The following UVRAG variants were observed in gnomAD, a reference collection of about 807,000 sequenced individuals.
UVRAG encodes the protein UV radiation resistance associated.
UVRAG carries 19 observed loss-of-function variants against 78.0 expected under a neutral mutation model. The observed-to-expected ratio is 0.24, with a 90% CI of 0.17 to 0.36. The LOEUF is 0.36. Among genes scored for constraint, UVRAG ranks in the 10% least tolerant of loss-of-function variants. The pLI, the probability that UVRAG is intolerant of heterozygous loss-of-function variation, is 1.00. For synonymous variants in UVRAG, 323 were observed against 324.6 expected (o/e 1.00, Z 0.05); for missense variants, 740 against 853.8 (o/e 0.87, Z 1.66).
rs542806642 is a variant in UVRAG, at chr11:75,905,673, G to A, written c.508-6281G>A. On this transcript the variant is annotated intron_variant, in intron 5 of 14. Transcript: ENST00000356136. ...TCTATTGCATGTGTACACACACAGA[G>A]ACACACACACACACATTTTGTTTAT... Among the ~76,000 whole-genome samples, 8 of 151,886 alleles carry A rather than the reference G, an allele frequency of 5.3e-5. No homozygotes were observed. In the South Asian group the frequency reaches 1.0e-3, roughly 20 times the overall value.
At chr11:76,040,923 G>A (rs1357694794) in intron 12 of UVRAG, among the ~76,000 whole-genome samples, 2 of 152,156 alleles carry the variant, frequency 1.3e-5, no homozygotes, top group Non-Finnish European at 2.9e-5. Context: ...AGCAGACAAG[G>A]AGGGTTTGGT....
intron 6 of UVRAG, among the ~76,000 whole-genome samples, chr11:75,952,792 T>C (rs973687089): frequency 1.3e-5 from 2 of 152,260 alleles, no homozygotes; most frequent in Admixed American, 6.5e-5. Flanking sequence ...CAGGGTCATG[T>C]TGACCTCATG....
rs113225143 is a variant in UVRAG at position 76,076,832 on chromosome 11, A to ATTTATTTATTTAT, written c.1305+11046_1305+11047insTATTTATTTATTT. ...TATTTATTTATTTATTTATTTATTT[A>ATTTATTTATTTAT]TTAGAGGCAGATGACAAGACCCCAT... On this transcript the variant is annotated intron_variant, in intron 13 of 14. Transcript: ENST00000356136. Among the ~76,000 whole-genome samples the ATTTATTTATTTAT allele has an allele frequency of 5.9e-3, 884 of 150,552 alleles. 12 individuals carry two copies. Among genetic ancestry groups the ATTTATTTATTTAT allele is most frequent in the African/African-American group, 0.021 (851 of 40,970 alleles).
intron 13 of UVRAG, among the ~76,000 whole-genome samples, chr11:76,066,079 T>C (rs527593870): frequency 6.6e-6 from 1 of 152,328 alleles, no homozygotes; most frequent in South Asian, 2.1e-4. Context: ...GGCTTCATCA[T>C]CTCTTGCCTC....
chr11:75,920,534 T>G (rs1003463848), intron 6 of UVRAG, among the ~76,000 whole-genome samples: 1 of 151,320 alleles, frequency 6.6e-6, no homozygotes, highest in Admixed American at 6.6e-5. Flanking sequence ...TAGGGTGAAG[T>G]CTTCTCCTTC....
At chr11:76,027,963 A>G (rs1950359975) in intron 12 of UVRAG, among the ~76,000 whole-genome samples, 1 of 151,920 alleles carries the variant, frequency 6.6e-6, no homozygotes, top group Non-Finnish European at 1.5e-5. Flanking sequence ...ATTTTTTTGC[A>G]TTTTACATTA....
intron 7 of UVRAG, among the ~76,000 whole-genome samples, chr11:75,967,236 T>C (rs1033919821): frequency 6.6e-6 from 1 of 152,254 alleles, no homozygotes; most frequent in Non-Finnish European, 1.5e-5. Context: ...TGCATACTTA[T>C]TCTTTTACAC....
intron 3 of UVRAG, among the ~76,000 whole-genome samples, chr11:75,873,022 T>C (rs1476948685): frequency 6.6e-6 from 1 of 152,144 alleles, no homozygotes; most frequent in East Asian, 1.9e-4. Context: ...GATGGTGATG[T>C]GTCATGCCAG....
At position 76,140,872 on chromosome 11, in the gene UVRAG, C is replaced by G; in HGVS notation, c.1559C>G (p.Pro520Arg). 1 of 1,614,178 alleles carries G rather than the reference C, an allele frequency of 6.2e-7. No individual in the cohort carries two copies. The highest frequency in any genetic ancestry group is 8.5e-7 in the Non-Finnish European group (1 of 1,180,032). ...ENERLQYKTPPPSYNSALAQP... is the reference protein window; with the variant it reads ...ENERLQYKTPRPSYNSALAQP... ...GAGAGACTTCAGTACAAAACCCCTC[C>G]TCCCAGTTACAACTCAGCATTAGCC... Residue 520 changes from proline (P) to arginine (R), a missense_variant, in exon 15 of 15, where the codon CCT becomes CGT. By Grantham distance (103) the Pro-to-Arg change is moderately radical. Coordinates refer to ENST00000356136, the MANE Select transcript of UVRAG (RefSeq NM_003369.4).
At chr11:75,911,371 G>T (rs1346233578) in intron 5 of UVRAG, 3 of 160,816 alleles carry the variant, frequency 1.9e-5, no homozygotes, top group Non-Finnish European at 4.2e-5. Flanking sequence ...TCCTGGGTGG[G>T]CACGTTTCCT....
chr11:76,109,148 C>T (rs1333713080), intron 13 of UVRAG, among the ~76,000 whole-genome samples: 1 of 152,128 alleles, frequency 6.6e-6, no homozygotes, highest in African/African-American at 2.4e-5. Context: ...TGGCATCTGC[C>T]TTCCCCAATC....
chr11:76,016,966 G>A lies in UVRAG; in HGVS notation c.1212G>A (p.Thr404=), dbSNP rs754172041. 33 of 1,599,200 alleles carry A rather than the reference G, an allele frequency of 2.1e-5. No homozygotes were observed. The highest frequency in any genetic ancestry group is 5.1e-5 in the Admixed American group (3 of 58,906). ...TIKDNINDKL[T]EKEREFPLYP... is the part of the protein sequence containing the mutation. ...AAGACAATATCAATGACAAACTGAC[G>A]GAAAAGGAGAGAGAGTAAGTGTCTT... The change falls in exon 12 of 15, where the codon ACG becomes ACA. Residue 404 remains threonine, a synonymous_variant. Transcript: ENST00000356136.
chr11:75,957,386 T>C (rs563413159), intron 6 of UVRAG, among the ~76,000 whole-genome samples: 1 of 152,216 alleles, frequency 6.6e-6, no homozygotes, highest in South Asian at 2.1e-4. Context: ...AGGATTATTA[T>C]GATACACTTT....
chr11:75,901,992 G>T (rs188037855), intron 5 of UVRAG, among the ~76,000 whole-genome samples: 3 of 152,038 alleles, frequency 2.0e-5, no homozygotes, highest in Non-Finnish European at 2.9e-5. Flanking sequence ...CTGATTGCCC[G>T]TTTGCTTACC....
chr11:76,103,878 C>T lies in UVRAG; in HGVS notation c.1306-12046C>T, dbSNP rs184322920. ...ATTTTAAAAGACTAAATATGTATAG[C>T]TTAGCTGAACAGTAACTAAACAGAG... On this transcript the variant is annotated intron_variant, in intron 13 of 14. Coordinates refer to ENST00000356136, the MANE Select transcript of UVRAG (RefSeq NM_003369.4). 2.6e-5 allele frequency among the ~76,000 whole-genome samples: 4 copies of T among 151,826 alleles called. No homozygotes were observed. In the East Asian group the frequency reaches 7.7e-4, roughly 29 times the overall value.
rs181304370 is a variant in UVRAG at position 75,950,411 on chromosome 11, A to G, written c.594-11033A>G. Among the ~76,000 whole-genome samples the G allele has an allele frequency of 2.2e-4, 34 of 152,262 alleles. 1 individual carries two copies. Among genetic ancestry groups the G allele is most frequent in the Admixed American group, 7.2e-4 (11 of 15,290 alleles). On this transcript the variant is annotated intron_variant, in intron 6 of 14. Transcript: ENST00000356136. ...TAGCTGGGAATGGGTGCGCACTACC[A>G]TGCTTGGCTAATTTAATTTTTTTAG...
At position 75,851,963 on chromosome 11, in the gene UVRAG, T is replaced by C. The variant is rs1449462249; in HGVS notation, c.198T>C (p.Phe66=). Residue 66 remains phenylalanine (F), a synonymous_variant, in exon 2 of 15, where the codon TTT becomes TTC. Transcript: ENST00000356136. The part of the protein sequence containing the change: ...RNGHQLLDTY[F]TLHLCSTEKI... ...GCCATCAGCTCCTTGATACCTACTT[T>C]ACACTTCACTTGTGTAGTACTGAAA... 6.2e-7 allele frequency: 1 copy of C among 1,613,722 alleles called. No individual in the cohort carries two copies. Among genetic ancestry groups the C allele is most frequent in the Non-Finnish European group, 8.5e-7 (1 of 1,179,772 alleles).
At chr11:75,880,700 A>C (rs1315006533) in intron 4 of UVRAG, among the ~76,000 whole-genome samples, 4 of 151,970 alleles carry the variant, frequency 2.6e-5, no homozygotes, top group Non-Finnish European at 5.9e-5. Context: ...GATTACAGGC[A>C]TGTGCCACCA....
At chr11:76,052,704 CT>C (rs1368528581) in intron 12 of UVRAG, among the ~76,000 whole-genome samples, 1 of 152,156 alleles carries the variant, frequency 6.6e-6, no homozygotes, top group Non-Finnish European at 1.5e-5. Flanking sequence ...TGAGATACTT[CT>C]TGGTTTTCCT....
Sources: gnomAD v4.1 joint callset for allele counts (sites outside exome capture counted in the v4.1 genomes callset) on GRCh38, gnomAD v4.1.1 for gene constraint, MANE v1.5 for transcripts, NCBI Gene and HGNC (gene_info 2026-07-23, HGNC 2026-07-21) for gene names.